The following STOX2 variants were observed in gnomAD, a reference collection of about 807,000 sequenced individuals.
STOX2 encodes the protein storkhead-box protein 2.
In STOX2, 28 loss-of-function variants were observed where a neutral mutation model predicts 60.9. That is an observed-to-expected ratio of 0.46 (90% confidence interval 0.34 to 0.63). The LOEUF is 0.63. Among genes scored for constraint, STOX2 ranks in the 30% least tolerant of loss-of-function variants. The pLI is 0.01. For synonymous variants in STOX2, 472 were observed against 463.9 expected, an observed-to-expected ratio of 1.02 and a Z score of -0.22; for missense variants, 1,024 against 1,187.7, an observed-to-expected ratio of 0.86 and a Z score of 2.03.
In STOX2 at chr4:183,959,277, T is replaced by G. The variant is rs74841317; in HGVS notation, c.167-42048T>G. Among the ~76,000 whole-genome samples, 224 of 152,286 alleles carry G rather than the reference T, an allele frequency of 1.5e-3. 7 individuals are homozygous for G. In the East Asian group the frequency reaches 0.037, roughly 25 times the overall value. ...CTGAAGACAAATTTTTACCTTAGAA[T>G]TCTAAGAATGCCTTTGGTATCAACG... is the stretch of plus-strand genomic sequence containing the variant. On this transcript the variant is annotated intron_variant, in intron 1 of 3. Coordinates refer to ENST00000308497, the MANE Select transcript of STOX2 (RefSeq NM_020225.3).
At chr4:183,908,681 GTGC>G (rs930242627) in intron 1 of STOX2, among the ~76,000 whole-genome samples, 11 of 150,528 alleles carry the variant, frequency 7.3e-5, no homozygotes, top group Non-Finnish European at 1.2e-4. Context: ...GCTATTGCAG[GTGC>G]TGCGAGGCGT....
intron 1 of STOX2, among the ~76,000 whole-genome samples, chr4:183,894,541 ATAT>A (rs1490508326): frequency 2.6e-5 from 4 of 151,788 alleles, no homozygotes; most frequent in African/African-American, 9.7e-5. Flanking sequence ...TGGGATTTAA[ATAT>A]ATGGGACCTT....
chr4:183,973,608 T>G (rs1029457374), intron 1 of STOX2, among the ~76,000 whole-genome samples: 24 of 152,146 alleles, frequency 1.6e-4, no homozygotes, highest in Admixed American at 1.3e-3. Flanking sequence ...AGACAGAAAA[T>G]TATACCAGAG....
At chr4:183,914,099 A>G (rs2111091445) in intron 1 of STOX2, among the ~76,000 whole-genome samples, 1 of 152,304 alleles carries the variant, frequency 6.6e-6, no homozygotes, top group East Asian at 1.9e-4. Flanking sequence ...CGGTACTCAC[A>G]CCATGTAGTG....
At chr4:183,901,560 A>G (rs1247703002), upstream of STOX2, among the ~76,000 whole-genome samples, 1 of 150,208 alleles carries the variant, frequency 6.7e-6, no homozygotes, top group Non-Finnish European at 1.5e-5. Context: ...GTTTCTCCAC[A>G]TAATTGCCAA....
chr4:183,912,227 ATGGTTTTGTTT>A (rs1355833180), intron 1 of STOX2, among the ~76,000 whole-genome samples: 1 of 152,120 alleles, frequency 6.6e-6, no homozygotes, highest in Non-Finnish European at 1.5e-5. Context: ...GAGGGCTTTG[ATGGTTTTGTTT>A]TGGTTTTGTT....
At chr4:183,951,026 T>C (rs1195717664) in intron 1 of STOX2, among the ~76,000 whole-genome samples, 8 of 151,630 alleles carry the variant, frequency 5.3e-5, no homozygotes, top group African/African-American at 7.3e-5. Context: ...CCATCCTGGC[T>C]AACACGGTGA....
chr4:183,798,897 ACTT>A, intron 1 of STOX2: 1 of 815,430 alleles, frequency 1.2e-6, no homozygotes, highest in Non-Finnish European at 1.5e-6. Flanking sequence ...TGGGTTTTAT[ACTT>A]TGAGTTTTTG....
intron 1 of STOX2, among the ~76,000 whole-genome samples, chr4:183,881,797 C>T (rs1487318805): frequency 2.0e-5 from 3 of 152,196 alleles, no homozygotes; most frequent in Non-Finnish European, 4.4e-5. Context: ...ATTTCATTCT[C>T]TGTGTGGCAT....
rs898157449 is a variant in STOX2, at chr4:184,021,937, C to T, written c.*4653C>T. On this transcript the variant is annotated 3_prime_UTR_variant, in exon 4 of 4. Transcript: ENST00000308497. The stretch of plus-strand genomic sequence containing the variant: ...GAGCAATCTCTTCTATCCCCCATCT[C>T]CCCCAGGACCATCCCGCCCATTGTC... The T allele has an allele frequency of 6.6e-6, 1 of 152,470 alleles. No homozygotes were observed. Among genetic ancestry groups the T allele is most frequent in the Admixed American group, 6.5e-5 (1 of 15,286 alleles). 9.4% of individuals were successfully genotyped at this position (152,470 alleles called of 1,614,324 possible). A position where few individuals can be genotyped will look rare whatever the true frequency, so the allele number is the denominator to read the frequency against.
chr4:183,841,843 T>C (rs953310909), intron 1 of STOX2, among the ~76,000 whole-genome samples: 2 of 152,152 alleles, frequency 1.3e-5, no homozygotes, highest in Admixed American at 6.5e-5. Context: ...GTGGGTAAGG[T>C]AAATGCTTAT....
intron 1 of STOX2, among the ~76,000 whole-genome samples, chr4:183,916,022 G>T (rs1332776779): frequency 6.6e-6 from 1 of 152,242 alleles, no homozygotes. Context: ...TACTTTCCTG[G>T]CCTTCCTTAC....
At chr4:183,929,917 G>T (rs1053650176) in intron 1 of STOX2, among the ~76,000 whole-genome samples, 2 of 152,048 alleles carry the variant, frequency 1.3e-5, no homozygotes, top group South Asian at 4.1e-4. Flanking sequence ...AGGCTGGAGT[G>T]CAGTGGCACG....
intron 1 of STOX2, among the ~76,000 whole-genome samples, chr4:183,870,307 G>A (rs1740659757): frequency 6.6e-6 from 1 of 152,222 alleles, no homozygotes; most frequent in Non-Finnish European, 1.5e-5. Context: ...TCATTTGTGA[G>A]TAAATGACTG....
chr4:184,010,355 T>C lies in STOX2; in HGVS notation c.1517T>C (p.Leu506Pro), dbSNP rs1373385412. Reference sequence around the variant, plus strand: ...AAAGGCCCTCTGGGTGCTTCTTCTCTAGGGACGCCGGAAGACCTTGCTGAA... The same window carrying C: ...AAAGGCCCTCTGGGTGCTTCTTCTCCAGGGACGCCGGAAGACCTTGCTGAA... The part of the protein sequence containing the change: ...NSKGPLGASS[L>P]GTPEDLAEGC... Residue 506 changes from leucine to proline, a missense_variant, in exon 3 of 4, where the codon CTA becomes CCA. Transcript: ENST00000308497. This position sits in a 1 kb window ranked among gnomAD's most constrained non-coding sequence, Gnocchi z 4.5. 1 of 1,611,478 alleles carries C rather than the reference T, an allele frequency of 6.2e-7. No homozygotes were observed. Among genetic ancestry groups the C allele is most frequent in the East Asian group, 2.2e-5 (1 of 44,810 alleles).
chr4:183,906,535 C>G lies in STOX2; in HGVS notation c.-256C>G, dbSNP rs1044799107. ...GCCTTTCCCCCCAGGAATCTGGAAG[C>G]TATAAGCCGGGCGGATTGCAAATGA... is the stretch of plus-strand genomic sequence containing the variant. On this transcript the variant is annotated 5_prime_UTR_variant, in exon 1 of 4. Coordinates refer to ENST00000308497, the MANE Select transcript of STOX2 (RefSeq NM_020225.3). 11 of 251,410 alleles carry G rather than the reference C, an allele frequency of 4.4e-5. No individual in the cohort carries two copies. The highest frequency in any genetic ancestry group is 7.5e-5 in the Non-Finnish European group (10 of 132,864). The allele number at this position is 251,410 out of a possible 1,614,324, so 15.6% of individuals were successfully genotyped here.
At chr4:183,897,430 G>C (rs1741362207) in intron 1 of STOX2, among the ~76,000 whole-genome samples, 1 of 152,208 alleles carries the variant, frequency 6.6e-6, no homozygotes, top group South Asian at 2.1e-4. Flanking sequence ...CAGATGAGCA[G>C]ATGTAGCTGT....
In STOX2 at chr4:184,011,448, A is replaced by C. The variant is rs759979507; in HGVS notation, c.2585+25A>C. The C allele has an allele frequency of 6.3e-7, 1 of 1,595,430 alleles. No individual in the cohort carries two copies. Among genetic ancestry groups the C allele is most frequent in the South Asian group, 1.1e-5 (1 of 88,178 alleles). ...GGTAGGGAGAGGTGTCTCTGTGCAC[A>C]CACATGCGCCTAGCGGGGCCTGGGG... On this transcript the variant is annotated intron_variant, in intron 3 of 3. Coordinates refer to ENST00000308497, the MANE Select transcript of STOX2 (RefSeq NM_020225.3). The surrounding 1 kb of genome is among the most constrained non-coding windows in gnomAD (Gnocchi z 4.4).
intron 1 of STOX2, among the ~76,000 whole-genome samples, chr4:183,939,808 T>G (rs763457548): frequency 3.3e-5 from 5 of 152,176 alleles, no homozygotes; most frequent in Non-Finnish European, 7.3e-5. Context: ...ATCTGCAAGA[T>G]GACATAATGG....
Sources: gnomAD v4.1 joint callset for allele counts (sites outside exome capture counted in the v4.1 genomes callset) on GRCh38, gnomAD v4.1.1 for gene constraint, Gnocchi (gnomAD v3.1) non-coding constraint, MANE v1.5 for transcripts, NCBI Gene and HGNC (gene_info 2026-07-23, HGNC 2026-07-21) for gene names.